Variants in ADAMTS15 observed in about 807,000 individuals in gnomAD.
ADAMTS15 encodes the protein ADAM metallopeptidase with thrombospondin type 1 motif 15.
A neutral mutation model predicts 79.1 loss-of-function variants in ADAMTS15; 35 were observed. That is an observed-to-expected ratio of 0.44 (90% CI 0.34 to 0.59). ADAMTS15 has a LOEUF of 0.59. Ranked by LOEUF, ADAMTS15 falls within the 20% of genes least tolerant of loss-of-function variation. The pLI is 0.02. For synonymous variants in ADAMTS15, 616 were observed against 567.3 expected, an observed-to-expected ratio of 1.09 and a Z score of -1.22; for missense variants, 1,324 against 1,318.7, an observed-to-expected ratio of 1.00 and a Z score of -0.06.
Position 130,470,937 on chromosome 11 carries a change from C to A in ADAMTS15, c.1738C>A (p.Arg580=). 6.2e-7 allele frequency: 1 copy of A among 1,613,386 alleles called. No homozygotes were observed. Among genetic ancestry groups the A allele is most frequent in the South Asian group, 1.1e-5 (1 of 90,984 alleles). ...CTCCCTAGCCTCCGGAAAGAGCTTC[C>A]GGGAGGAGCAGTGTGAGGCTTTCAA... ...CPSSASGKSF[R]EEQCEAFNGY... is the part of the protein sequence containing the mutation. Residue 580 remains arginine (R), a synonymous_variant, in exon 6 of 8, where the codon CGG becomes AGG. Transcript: ENST00000299164.
rs1938550401 is a variant in ADAMTS15 at position 130,475,031 on chromosome 11, AC to A, written c.*1213del. ...CTACCTCAGATTATGCCCTCTGGGA[AC>A]CCAGCCGTATCCCTCCCCTAGGACA... is the stretch of plus-strand genomic sequence containing the variant. On this transcript the variant is annotated 3_prime_UTR_variant, in exon 8 of 8. Coordinates refer to ENST00000299164, the MANE Select transcript of ADAMTS15 (RefSeq NM_139055.4). 1 of 152,348 alleles carries A rather than the reference AC, an allele frequency of 6.6e-6. No individual in the cohort carries two copies. Among genetic ancestry groups the A allele is most frequent in the African/African-American group, 2.4e-5 (1 of 41,452 alleles). The allele number at this position is 152,348 out of a possible 1,614,324, so 9.4% of individuals were successfully genotyped here. A position where few individuals can be genotyped will look rare whatever the true frequency, so the allele number is the denominator to read the frequency against.
chr11:130,455,409 A>C (rs1211160748), intron 1 of ADAMTS15, among the ~76,000 whole-genome samples: 1 of 152,218 alleles, frequency 6.6e-6, no homozygotes, highest in Non-Finnish European at 1.5e-5. Context: ...AGAATTTGCT[A>C]ATCCCACTGA....
intron 1 of ADAMTS15, among the ~76,000 whole-genome samples, chr11:130,450,958 C>G (rs1937950132): frequency 6.6e-6 from 1 of 152,332 alleles, no homozygotes; most frequent in Non-Finnish European, 1.5e-5. Flanking sequence ...GCCCAGGAAG[C>G]AGCCCTGCCT....
chr11:130,461,395 G>C, intron 1 of ADAMTS15, 94 bp from the exon 2 acceptor site: 3 of 1,560,592 alleles, frequency 1.9e-6, no homozygotes, highest in Non-Finnish European at 2.6e-6. Flanking sequence ...GAGATGAGCT[G>C]GAATGTCCTA....
chr11:130,471,798 A>G (rs1938467140), intron 7 of ADAMTS15, among the ~76,000 whole-genome samples: 2 of 152,198 alleles, frequency 1.3e-5, no homozygotes, highest in South Asian at 4.1e-4. Flanking sequence ...TAATACTAAT[A>G]TATTTCATGT....
intron 1 of ADAMTS15, among the ~76,000 whole-genome samples, chr11:130,455,779 G>T (rs780000670): frequency 1.4e-4 from 22 of 152,208 alleles, no homozygotes; most frequent in Non-Finnish European, 2.2e-4. Context: ...CGGGGTCAGT[G>T]TGTCAATGCA....
chr11:130,452,167 G>C (rs1233751787), intron 1 of ADAMTS15, among the ~76,000 whole-genome samples: 2 of 152,158 alleles, frequency 1.3e-5, no homozygotes, highest in Non-Finnish European at 2.9e-5. Context: ...GAACAGGAGG[G>C]AGTAGCTGCC....
chr11:130,466,022 G>T (rs559290858), intron 4 of ADAMTS15, among the ~76,000 whole-genome samples: 1 of 151,966 alleles, frequency 6.6e-6, no homozygotes, highest in Admixed American at 6.5e-5. Context: ...ACAGGCGCCC[G>T]CCACCACACC....
intron 4 of ADAMTS15, among the ~76,000 whole-genome samples, chr11:130,468,939 C>CAAAAAAAAAAAAAAAAAA (rs911391031): frequency 2.5e-4 from 7 of 27,848 alleles, no homozygotes; most frequent in African/African-American, 6.9e-4. Flanking sequence ...TCCACCTCAA[C>CAAAAAAAAAAAAAAAAAA]AAAAAAAAAA....
At chr11:130,470,151 T>TATATAC (rs1565397596) in intron 5 of ADAMTS15, among the ~76,000 whole-genome samples, 5 of 56,324 alleles carry the variant, frequency 8.9e-5, no homozygotes, top group African/African-American at 3.2e-4. Flanking sequence ...TATATATATA[T>TATATAC]GTGTATATAT....
At chr11:130,467,522 A>G (rs1385924776) in intron 4 of ADAMTS15, among the ~76,000 whole-genome samples, 1 of 152,166 alleles carries the variant, frequency 6.6e-6, no homozygotes, top group African/African-American at 2.4e-5. Context: ...AATATGCTGG[A>G]TATGTACACA....
rs1485315414 is a variant in ADAMTS15, at chr11:130,462,951, C to CA, written c.1542+171_1542+172insA. On this transcript the variant is annotated intron_variant, in intron 4 of 7. Transcript: ENST00000299164. The surrounding 1 kb of genome is among the most constrained non-coding windows in gnomAD (Gnocchi z 4.3). The stretch of plus-strand genomic sequence containing the variant: ...TTCACTGCCCTGTATATAGTCCTAT[C>CA]CCCTTCTTGACTCTAAGACCGGAGA... 6.6e-6 allele frequency among the ~76,000 whole-genome samples: 1 copy of CA among 152,010 alleles called. No homozygotes were observed. The highest frequency in any genetic ancestry group is 1.5e-5 in the Non-Finnish European group (1 of 68,036).
In ADAMTS15 at chr11:130,473,465, G is replaced by A. The variant is rs755615895; in HGVS notation, c.2497G>A (p.Glu833Lys). ...NSVLSLSNQV[E>K]QPDDRPPARW... Reference sequence around the variant, plus strand: ...CGTCCTCAGCCTCTCCAACCAGGTGGAGCAGCCGGACGACAGGCCCCCTGC... The same window carrying A: ...CGTCCTCAGCCTCTCCAACCAGGTGAAGCAGCCGGACGACAGGCCCCCTGC... The change falls in exon 8 of 8, where the codon GAG becomes AAG. Residue 833 changes from glutamate (E) to lysine (K), a missense_variant. Glu to Lys is a moderately conservative substitution (Grantham distance 56). Coordinates refer to ENST00000299164, the MANE Select transcript of ADAMTS15 (RefSeq NM_139055.4). 3 of 1,612,292 alleles carry A rather than the reference G, an allele frequency of 1.9e-6. No homozygotes were observed. The highest frequency in any genetic ancestry group is 1.1e-5 in the South Asian group (1 of 91,088).
At position 130,470,133 on chromosome 11, in the gene ADAMTS15, C is replaced by CATAT. The variant is rs1244452788; in HGVS notation, c.1720+709_1720+712dup. On this transcript the variant is annotated intron_variant, in intron 5 of 7. Transcript: ENST00000299164. ...CATTACTGAATCATATATATATATACATATATATATATATATATGTGTATA... is the reference window on the plus strand; with the variant it reads ...CATTACTGAATCATATATATATATACATATATATATATATATATATATGTGTATA... Among the ~76,000 whole-genome samples, 24 of 74,794 alleles carry CATAT rather than the reference C, an allele frequency of 3.2e-4. No homozygotes were observed. The East Asian group carries it at 3.8e-3, about 12-fold the overall frequency. 49.1% of individuals were successfully genotyped at this position (74,794 alleles called of 152,430 possible).
chr11:130,462,171 C>T lies in ADAMTS15; in HGVS notation c.1175C>T (p.Pro392Leu), dbSNP rs769395017. ...GKLRANHMMS[P>L]TLIQIDRANP... ...CTCCGAGCCAACCACATGATGTCCC[C>T]GACCCTCATCCAGATCGACCGTGCC... The change falls in exon 3 of 8, where the codon CCG (proline) becomes CTG (leucine). Residue 392 changes from proline to leucine, a missense_variant. Pro to Leu is a moderately conservative substitution (Grantham distance 98). Coordinates refer to ENST00000299164, the MANE Select transcript of ADAMTS15 (RefSeq NM_139055.4). The surrounding 1 kb of genome is among the most constrained non-coding windows in gnomAD (Gnocchi z 4.3). The T allele has an allele frequency of 1.2e-5, 19 of 1,614,074 alleles. No homozygotes were observed. In the East Asian group the frequency reaches 1.6e-4, roughly 13 times the overall value.
chr11:130,452,979 CA>C (rs139829512), intron 1 of ADAMTS15, among the ~76,000 whole-genome samples: 1,884 of 126,672 alleles, frequency 0.015, 14 homozygotes, highest in Middle Eastern at 0.026. Flanking sequence ...GGCTCTGTCT[CA>C]AAAAAAAAAA....
chr11:130,463,871 C>G (rs183924702), intron 4 of ADAMTS15, among the ~76,000 whole-genome samples: 4 of 152,126 alleles, frequency 2.6e-5, no homozygotes, highest in Non-Finnish European at 4.4e-5. Context: ...ACATGTTATG[C>G]GGAAGGACAG....
chr11:130,449,464 G>A lies in ADAMTS15; in HGVS notation c.491G>A (p.Gly164Asp), dbSNP rs759398599. The change falls in exon 1 of 8, where the codon GGC becomes GAC. Residue 164 changes from glycine to aspartate, a missense_variant. Gly to Asp is a moderately conservative substitution (Grantham distance 94). Coordinates refer to ENST00000299164, the MANE Select transcript of ADAMTS15 (RefSeq NM_139055.4). The surrounding 1 kb of genome is among the most constrained non-coding windows in gnomAD (Gnocchi z 7.8). ...CTTCTCCAGCGCCGGGGTGTTCCGG[G>A]CGGGCCTTCCGGAGACCCCACCTCT... Reference protein sequence around the residue: ...AHLLQRRGVPGGPSGDPTSRC... With the variant: ...AHLLQRRGVPDGPSGDPTSRC... 6.4e-6 allele frequency: 10 copies of A among 1,572,450 alleles called. No individual in the cohort carries two copies. The South Asian group carries it at 8.1e-5, about 13-fold the overall frequency.
At chr11:130,456,780 C>G (rs1938089391) in intron 1 of ADAMTS15, among the ~76,000 whole-genome samples, 2 of 152,144 alleles carry the variant, frequency 1.3e-5, no homozygotes, top group South Asian at 4.1e-4. Context: ...CCTCAGTTTC[C>G]TCATCCGCAG....
Sources: gnomAD v4.1 joint callset for allele counts (sites outside exome capture counted in the v4.1 genomes callset) on GRCh38, gnomAD v4.1.1 for gene constraint, Gnocchi (gnomAD v3.1) non-coding constraint, MANE v1.5 for transcripts, NCBI Gene and HGNC (gene_info 2026-07-23, HGNC 2026-07-21) for gene names.